Variants in IFT52 observed in about 807,000 individuals in gnomAD.
IFT52 encodes the protein intraflagellar transport 52, also known as intraflagellar transport protein 52 homolog.
A neutral mutation model predicts 54.4 loss-of-function variants in IFT52; 44 were observed. The observed-to-expected ratio is 0.81, with a 90% CI of 0.63 to 1.04. The LOEUF (loss-of-function observed/expected upper bound fraction) is 1.04, where lower values mean the gene tolerates loss of function less well. IFT52 is among the 50% of genes least tolerant of loss of function. The probability of loss-of-function intolerance (pLI) is 0.00; values close to 1 mark genes in which losing one functional copy is unlikely to be tolerated. For synonymous variants in IFT52, 181 were observed against 185.3 expected, an observed-to-expected ratio of 0.98 and a Z score of 0.19; for missense variants, 452 against 523.6, an observed-to-expected ratio of 0.86 and a Z score of 1.33.
At chr20:43,608,112 G>C (rs1466071256) in intron 6 of IFT52, among the ~76,000 whole-genome samples, 1 of 152,194 alleles carries the variant, frequency 6.6e-6, no homozygotes. Flanking sequence ...GTCCAGCTTC[G>C]GCTCGGCATC....
At chr20:43,631,268 C>T (rs1568788057) in intron 10 of IFT52, among the ~76,000 whole-genome samples, 1 of 152,170 alleles carries the variant, frequency 6.6e-6, no homozygotes, top group African/African-American at 2.4e-5. Flanking sequence ...AGTTTAAGTG[C>T]CTAACACAGG....
At chr20:43,604,881 C>A in intron 5 of IFT52, 121 bp from the exon 6 acceptor site, 1 of 958,448 alleles carries the variant, frequency 1.0e-6, no homozygotes, top group Non-Finnish European at 1.6e-6. Context: ...TTCACTGCAG[C>A]CTTGACCTCC....
intron 3 of IFT52, among the ~76,000 whole-genome samples, chr20:43,603,001 A>G (rs559624178): frequency 2.6e-5 from 4 of 152,318 alleles, no homozygotes; most frequent in Admixed American, 1.3e-4. Context: ...TATAAAGTAC[A>G]TATTTTATAT....
intron 3 of IFT52, 119 bp downstream of exon 3, chr20:43,596,641 C>G (rs1156232076): frequency 1.5e-6 from 1 of 670,632 alleles, no homozygotes; most frequent in African/African-American, 1.8e-5. Flanking sequence ...GTCACTTCAT[C>G]TCTCTTTTCA....
At chr20:43,626,158 G>A (rs1984701012) in intron 10 of IFT52, among the ~76,000 whole-genome samples, 1 of 151,946 alleles carries the variant, frequency 6.6e-6, no homozygotes, top group Non-Finnish European at 1.5e-5. Flanking sequence ...ATGTTTAGTA[G>A]CAGTTTTATA....
At chr20:43,595,897 TAAAA>T (rs961663295) in intron 2 of IFT52, among the ~76,000 whole-genome samples, 2 of 149,814 alleles carry the variant, frequency 1.3e-5, no homozygotes, top group African/African-American at 4.9e-5. Flanking sequence ...AAACAAAAAT[TAAAA>T]AAAAAATGTC....
Position 43,637,166 on chromosome 20 carries a change from G to A in IFT52, c.1033G>A (p.Glu345Lys), listed in dbSNP as rs78526697. 1 of 1,611,940 alleles carries A rather than the reference G, an allele frequency of 6.2e-7. No individual in the cohort carries two copies. The highest frequency in any genetic ancestry group is 1.3e-5 in the African/African-American group (1 of 74,870). Residue 345 changes from glutamate (E) to lysine (K), a missense_variant, in exon 12 of 14, where the codon GAG becomes AAG. Glu to Lys is a moderately conservative substitution (Grantham distance 56). Transcript: ENST00000373030. The part of the protein sequence containing the change: ...QPAVFPPSFR[E>K]LPPPPLELFD... ...TTAGGTTTTTCCTCCCAGTTTCCGG[G>A]AGTTACCACCTCCTCCTCTGGAGCT...
At chr20:43,642,268 T>A in intron 12 of IFT52, 1 of 484,010 alleles carries the variant, frequency 2.1e-6, no homozygotes, top group South Asian at 3.5e-5. Flanking sequence ...AGTTTTATTC[T>A]GATTAGGAGT....
At chr20:43,608,105 C>G (rs1983115457) in intron 6 of IFT52, among the ~76,000 whole-genome samples, 1 of 152,146 alleles carries the variant, frequency 6.6e-6, no homozygotes, top group South Asian at 2.1e-4. Flanking sequence ...CAGTATAGTC[C>G]AGCTTCGGCT....
intron 6 of IFT52, among the ~76,000 whole-genome samples, chr20:43,606,072 T>A (rs1177196834): frequency 1.3e-5 from 2 of 151,848 alleles, no homozygotes; most frequent in Non-Finnish European, 2.9e-5. Context: ...AATAGAAAAT[T>A]TAGCTGTGCG....
At chr20:43,641,146 G>A (rs556470705) in intron 12 of IFT52, among the ~76,000 whole-genome samples, 1 of 151,958 alleles carries the variant, frequency 6.6e-6, no homozygotes, top group Admixed American at 6.6e-5. Flanking sequence ...ACAGAGCTAT[G>A]TTGTTGGTGG....
At chr20:43,610,438 C>T (rs1983343365) in intron 6 of IFT52, among the ~76,000 whole-genome samples, 1 of 151,794 alleles carries the variant, frequency 6.6e-6, no homozygotes, top group African/African-American at 2.4e-5. Context: ...TTTTGACTGT[C>T]AAGAATCAAT....
At chr20:43,606,912 C>T (rs1256525630) in intron 6 of IFT52, among the ~76,000 whole-genome samples, 2 of 152,180 alleles carry the variant, frequency 1.3e-5, no homozygotes, top group Admixed American at 6.5e-5. Flanking sequence ...GGTAAGGTCA[C>T]AGATCAACAG....
intron 13 of IFT52, 61 bp from the exon 14 acceptor site, chr20:43,646,875 A>T (rs1186119721): frequency 1.7e-5 from 22 of 1,291,716 alleles, no homozygotes; most frequent in Non-Finnish European, 1.8e-5. Flanking sequence ...AGCACTGAAG[A>T]GTTTACATTT....
intron 12 of IFT52, among the ~76,000 whole-genome samples, chr20:43,641,395 C>T (rs971879835): frequency 4.0e-5 from 6 of 151,460 alleles, no homozygotes; most frequent in Non-Finnish European, 5.9e-5. Flanking sequence ...TGCACCACCA[C>T]GCCCGGCTAA....
At chr20:43,629,803 AAC>A (rs2145655021) in intron 10 of IFT52, among the ~76,000 whole-genome samples, 1 of 152,264 alleles carries the variant, frequency 6.6e-6, no homozygotes, top group East Asian at 1.9e-4. Context: ...TATTAATAAC[AAC>A]TAACATTTAT....
Position 43,603,835 on chromosome 20 carries a change from T to C in IFT52, c.283T>C (p.Phe95Leu). 1 of 1,567,760 alleles carries C rather than the reference T, an allele frequency of 6.4e-7. No homozygotes were observed. The highest frequency in any genetic ancestry group is 8.8e-7 in the Non-Finnish European group (1 of 1,140,468). ...VMLGEGGESR[F>L]DTNINFLLEE... is the part of the protein sequence containing the mutation. ...GCTAGGAGAAGGTGGAGAATCCAGATTTGACACCAATATTAACTTTTTACT... is the reference window on the plus strand; with the variant it reads ...GCTAGGAGAAGGTGGAGAATCCAGACTTGACACCAATATTAACTTTTTACT... The change falls in exon 4 of 14, where the codon TTT becomes CTT. Residue 95 changes from phenylalanine (F) to leucine (L), a missense_variant. Phe to Leu is a conservative substitution (Grantham distance 22). Transcript: ENST00000373030.
chr20:43,611,694 T>C (rs996919976), intron 6 of IFT52, among the ~76,000 whole-genome samples: 2 of 151,946 alleles, frequency 1.3e-5, no homozygotes, highest in African/African-American at 4.8e-5. Flanking sequence ...CCTAGTCTCA[T>C]TGATTTTTTT....
intron 12 of IFT52, among the ~76,000 whole-genome samples, chr20:43,638,980 G>T (rs1045184069): frequency 6.6e-6 from 1 of 152,132 alleles, no homozygotes; most frequent in East Asian, 1.9e-4. Context: ...TGTGGGTCCT[G>T]GGCAGTCAAA....
Sources: gnomAD v4.1 joint callset for allele counts (sites outside exome capture counted in the v4.1 genomes callset) on GRCh38, gnomAD v4.1.1 for gene constraint, MANE v1.5 for transcripts, NCBI Gene and HGNC (gene_info 2026-07-23, HGNC 2026-07-21) for gene names.